The following ATL1 variants were observed in gnomAD, a reference collection of about 807,000 sequenced individuals.
ATL1 encodes atlastin GTPase 1.
A neutral mutation model predicts 75.5 loss-of-function variants in ATL1; 31 were observed. The observed-to-expected ratio is 0.41, with a 90% CI of 0.31 to 0.55. The LOEUF is 0.55. ATL1 is among the 20% of genes least tolerant of loss of function. The pLI is 0.27. For synonymous variants in ATL1, 226 were observed against 233.3 expected, an observed-to-expected ratio of 0.97 and a Z score of 0.28; for missense variants, 405 against 662.6, an observed-to-expected ratio of 0.61 and a Z score of 4.27.
intron 1 of ATL1, among the ~76,000 whole-genome samples, chr14:50,538,416 G>A (rs138282631): frequency 5.0e-4 from 76 of 152,272 alleles, no homozygotes; most frequent in African/African-American, 1.7e-3. Context: ...AACCTTTATC[G>A]TCAGAGTGGT....
intron 4 of ATL1, among the ~76,000 whole-genome samples, chr14:50,592,032 T>G (rs1280023026): frequency 6.6e-6 from 1 of 152,218 alleles, no homozygotes; most frequent in Non-Finnish European, 1.5e-5. Context: ...AGTAGAAACA[T>G]TTCTAAATGT....
At chr14:50,568,515 G>A (rs906396124) in intron 1 of ATL1, among the ~76,000 whole-genome samples, 8 of 151,882 alleles carry the variant, frequency 5.3e-5, no homozygotes, top group Non-Finnish European at 1.0e-4. Context: ...TTATATTTAC[G>A]TGGAATATCT....
intron 6 of ATL1, among the ~76,000 whole-genome samples, chr14:50,609,267 C>A (rs1407546047): frequency 2.0e-5 from 3 of 151,702 alleles, no homozygotes; most frequent in Admixed American, 1.3e-4. Flanking sequence ...TATTTGTTTG[C>A]GGAACTTAGA....
At chr14:50,623,848 C>T (rs2039491335) in intron 11 of ATL1, among the ~76,000 whole-genome samples, 1 of 151,820 alleles carries the variant, frequency 6.6e-6, no homozygotes, top group Non-Finnish European at 1.5e-5. Context: ...GTCAGGAGTT[C>T]GAGACCAGTC....
intron 4 of ATL1, 152 bp downstream of exon 4, chr14:50,591,791 G>C: frequency 1.6e-6 from 1 of 609,252 alleles, no homozygotes; most frequent in Non-Finnish European, 2.9e-6. Context: ...CGTGATTTCT[G>C]TGAGAGTGGA....
intron 3 of ATL1, 146 bp from the exon 4 acceptor site, chr14:50,591,389 C>A: frequency 1.6e-6 from 1 of 635,238 alleles, no homozygotes; most frequent in South Asian, 2.0e-5. Flanking sequence ...TTTTTATTTT[C>A]TGTGGCATTC....
At chr14:50,629,957 T>C (rs750890715) in intron 12 of ATL1, 38 bp from the exon 13 acceptor site, 10 of 1,521,508 alleles carry the variant, frequency 6.6e-6, no homozygotes, top group South Asian at 3.6e-5. Context: ...GCAGGATATA[T>C]ACTTTTCTTT....
intron 6 of ATL1, among the ~76,000 whole-genome samples, chr14:50,610,457 T>A (rs2039355365): frequency 6.6e-6 from 1 of 152,110 alleles, no homozygotes; most frequent in African/African-American, 2.4e-5. Flanking sequence ...ACTCAGGAAA[T>A]ACAGCAATCC....
intron 2 of ATL1, 27 bp downstream of exon 2, chr14:50,588,105 T>G: frequency 1.2e-6 from 2 of 1,613,692 alleles, no homozygotes; most frequent in South Asian, 2.2e-5. Context: ...TTAAAAAGTT[T>G]TCTTTCTTCT....
chr14:50,556,959 T>C (rs1012313579), upstream of ATL1, among the ~76,000 whole-genome samples: 2 of 152,240 alleles, frequency 1.3e-5, no homozygotes, highest in African/African-American at 4.8e-5. Context: ...TGCATATTCC[T>C]GTACAAGTTT....
At chr14:50,629,966 T>C in intron 12 of ATL1, 29 bp from the exon 13 acceptor site, 2 of 1,563,940 alleles carry the variant, frequency 1.3e-6, no homozygotes, top group Non-Finnish European at 1.7e-6. Flanking sequence ...ATACTTTTCT[T>C]TTTTCTTTTT....
chr14:50,630,093 A>C, intron 13 of ATL1, 84 bp downstream of exon 13: 1 of 995,420 alleles, frequency 1.0e-6, no homozygotes, highest in Non-Finnish European at 1.5e-6. Flanking sequence ...CCATTAAAAG[A>C]TGTCTTTATG....
At chr14:50,617,180 T>C (rs1023356255) in intron 8 of ATL1, among the ~76,000 whole-genome samples, 1 of 152,212 alleles carries the variant, frequency 6.6e-6, no homozygotes, top group Non-Finnish European at 1.5e-5. Flanking sequence ...ATTTCTAGTG[T>C]TATTAAAAAC....
chr14:50,619,987 C>T (rs1022146204), intron 8 of ATL1, among the ~76,000 whole-genome samples: 1 of 152,110 alleles, frequency 6.6e-6, no homozygotes, highest in Non-Finnish European at 1.5e-5. Context: ...TGGCTGGGCA[C>T]GGTGGCTCAT....
intron 1 of ATL1, among the ~76,000 whole-genome samples, chr14:50,582,263 A>T (rs1429923908): frequency 2.0e-5 from 3 of 151,848 alleles, no homozygotes; most frequent in Non-Finnish European, 4.4e-5. Flanking sequence ...TGGGTGACAG[A>T]GTGAGTCTCC....
rs1004424829 is a variant in ATL1 at position 50,612,812 on chromosome 14, T to C, written c.631-447T>C. On this transcript the variant is annotated intron_variant, in intron 6 of 13. Transcript: ENST00000358385. Reference sequence around the variant, plus strand: ...ACTCTGCTATCTAGTTTGAACTTTTTATGATGCGCATACATACATATCATT... The same window carrying C: ...ACTCTGCTATCTAGTTTGAACTTTTCATGATGCGCATACATACATATCATT... Among the ~76,000 whole-genome samples, 5 of 152,300 alleles carry C rather than the reference T, an allele frequency of 3.3e-5. No individual in the cohort carries two copies. The East Asian group carries it at 9.6e-4, about 29-fold the overall frequency.
chr14:50,565,649 C>A (rs2038896773), intron 1 of ATL1, among the ~76,000 whole-genome samples: 1 of 152,090 alleles, frequency 6.6e-6, no homozygotes, highest in Non-Finnish European at 1.5e-5. Flanking sequence ...CATCTGCTTA[C>A]CTTGTCTTGA....
At chr14:50,562,395 C>T (rs1249921749) in intron 1 of ATL1, among the ~76,000 whole-genome samples, 1 of 152,096 alleles carries the variant, frequency 6.6e-6, no homozygotes, top group Non-Finnish European at 1.5e-5. Context: ...ACATGGTTCT[C>T]ACATCCGGTT....
intron 1 of ATL1, among the ~76,000 whole-genome samples, chr14:50,577,045 T>G (rs1254372265): frequency 6.6e-6 from 1 of 152,130 alleles, no homozygotes; most frequent in Non-Finnish European, 1.5e-5. Context: ...TGTGTAAACT[T>G]CTGTTATAAG....
Sources: gnomAD v4.1 joint callset for allele counts (sites outside exome capture counted in the v4.1 genomes callset) on GRCh38, gnomAD v4.1.1 for gene constraint, MANE v1.5 for transcripts, NCBI Gene and HGNC (gene_info 2026-07-23, HGNC 2026-07-21) for gene names.